The following NR6A1 variants were observed in gnomAD, a reference collection of about 807,000 sequenced individuals.
The protein encoded by NR6A1 is nuclear receptor subfamily 6 group A member 1, also known as retinoic acid receptor-related testis-associated receptor.
In NR6A1, 7 loss-of-function variants were observed where a neutral mutation model predicts 59.1. The observed-to-expected ratio is 0.12, with a 90% confidence interval of 0.07 to 0.22. The LOEUF is 0.22. Among genes scored for constraint, NR6A1 ranks in the 10% least tolerant of loss-of-function variants. NR6A1 has a pLI of 1.00. For missense variants in NR6A1, 468 were observed against 611.6 expected, an observed-to-expected ratio of 0.77 and a Z score of 2.48; for synonymous variants, 243 against 236.1, an observed-to-expected ratio of 1.03 and a Z score of -0.27.
intron 2 of NR6A1, among the ~76,000 whole-genome samples, chr9:124,688,822 A>G (rs529639161): frequency 1.3e-5 from 2 of 152,226 alleles, no homozygotes; most frequent in African/African-American, 4.8e-5. Context: ...GTTTATGTAC[A>G]TGTATTTAGG....
At chr9:124,585,131 A>G (rs1416039127) in intron 2 of NR6A1, among the ~76,000 whole-genome samples, 2 of 152,348 alleles carry the variant, frequency 1.3e-5, no homozygotes, top group Non-Finnish European at 2.9e-5. Flanking sequence ...GCAAGGCCCT[A>G]ACTCTCTTCA....
chr9:124,739,253 G>C (rs999177841), intron 1 of NR6A1, among the ~76,000 whole-genome samples: 22 of 151,714 alleles, frequency 1.5e-4, no homozygotes, highest in Non-Finnish European at 1.3e-4. Flanking sequence ...TCAAATCCCA[G>C]ATTTGCTATT....
At chr9:124,705,094 G>GT (rs1839085111) in intron 2 of NR6A1, among the ~76,000 whole-genome samples, 1 of 152,124 alleles carries the variant, frequency 6.6e-6, no homozygotes, top group Non-Finnish European at 1.5e-5. Flanking sequence ...TTATTTATAC[G>GT]TATGTTGTTT....
chr9:124,564,679 CTCTG>C (rs984401219), intron 2 of NR6A1, among the ~76,000 whole-genome samples: 43 of 68,646 alleles, frequency 6.3e-4, no homozygotes, highest in Non-Finnish European at 1.9e-4. Context: ...AAAATCCACA[CTCTG>C]TGTGTGTGTG....
At chr9:124,699,136 G>C (rs977385964) in intron 2 of NR6A1, among the ~76,000 whole-genome samples, 9 of 152,140 alleles carry the variant, frequency 5.9e-5, no homozygotes. Flanking sequence ...CTCCATCTCA[G>C]ATGTGAAAAA....
Position 124,664,378 on chromosome 9 carries a change from A to G in NR6A1, c.142+68930T>C, listed in dbSNP as rs568406380. On this transcript the variant is annotated intron_variant, in intron 2 of 9. Coordinates refer to ENST00000487099, the MANE Select transcript of NR6A1 (RefSeq NM_033334.4). ...TATGATGTCATATCTTAGCTCTGCC[A>G]CTGTTGAGCTAGATGACTTTTAACA... Among the ~76,000 whole-genome samples the G allele has an allele frequency of 3.9e-5, 6 of 152,314 alleles. No individual in the cohort carries two copies. The East Asian group carries it at 1.2e-3, about 29-fold the overall frequency.
chr9:124,703,291 C>T (rs187847015), intron 2 of NR6A1, among the ~76,000 whole-genome samples: 1 of 148,614 alleles, frequency 6.7e-6, no homozygotes, highest in Admixed American at 6.8e-5. Context: ...TAGCGTACTG[C>T]ATTCTCAAAC....
At chr9:124,748,499 G>T (rs1368534909) in intron 1 of NR6A1, among the ~76,000 whole-genome samples, 1 of 152,112 alleles carries the variant, frequency 6.6e-6, no homozygotes, top group Non-Finnish European at 1.5e-5. Context: ...ACATTTGTAG[G>T]ATTCCTGTGA....
Position 124,598,980 on chromosome 9 carries a change from T to C in NR6A1, c.143-44410A>G, listed in dbSNP as rs181769172. 3.9e-3 allele frequency: 2,837 copies of C among 727,054 alleles called. 18 individuals are homozygous for C. Among genetic ancestry groups the C allele is most frequent in the Non-Finnish European group, 4.5e-3 (1,750 of 387,624 alleles). The allele number at this position is 727,054 out of a possible 1,614,324, so 45.0% of individuals were successfully genotyped here. ...CCCACGTTGGGTTTCAGCTCCACCA[T>C]TGGCGTGTAGTGGTTGGCACAAATC... On this transcript the variant is annotated intron_variant, in intron 2 of 9. Transcript: ENST00000487099.
intron 1 of NR6A1, among the ~76,000 whole-genome samples, chr9:124,766,443 T>C (rs1006042472): frequency 1.4e-4 from 21 of 152,344 alleles, no homozygotes; most frequent in African/African-American, 4.8e-4. Flanking sequence ...TCAAGCACAT[T>C]TATTCTTTAT....
chr9:124,539,186 T>C (rs1232615352), intron 5 of NR6A1, among the ~76,000 whole-genome samples: 2 of 152,150 alleles, frequency 1.3e-5, no homozygotes, highest in Non-Finnish European at 2.9e-5. Context: ...AATACAGATG[T>C]GAGCCACCAT....
intron 2 of NR6A1, among the ~76,000 whole-genome samples, chr9:124,649,867 C>A (rs1385687630): frequency 6.6e-6 from 1 of 152,050 alleles, no homozygotes; most frequent in Admixed American, 6.6e-5. Context: ...CATCATTAAT[C>A]ATTGAAGGAA....
chr9:124,526,981 C>A, intron 7 of NR6A1, 81 bp from the exon 8 acceptor site: 1 of 1,541,472 alleles, frequency 6.5e-7, no homozygotes. Flanking sequence ...GCTCCTACAG[C>A]TCCTTAAACA....
At chr9:124,645,393 C>T (rs1836901329) in intron 2 of NR6A1, among the ~76,000 whole-genome samples, 1 of 152,086 alleles carries the variant, frequency 6.6e-6, no homozygotes, top group Admixed American at 6.5e-5. Flanking sequence ...ATGTTGTCTA[C>T]AAGAAACCTA....
At chr9:124,583,686 T>G (rs1233472074) in intron 2 of NR6A1, among the ~76,000 whole-genome samples, 7 of 152,202 alleles carry the variant, frequency 4.6e-5, no homozygotes. Flanking sequence ...TCGGTCAGGT[T>G]GTTTCACATT....
intron 2 of NR6A1, among the ~76,000 whole-genome samples, chr9:124,612,185 A>C (rs1178953348): frequency 6.6e-6 from 1 of 152,188 alleles, no homozygotes; most frequent in African/African-American, 2.4e-5. Flanking sequence ...TTTAAAGCAG[A>C]TGTCAAGTAA....
At chr9:124,678,093 C>G (rs930299139) in intron 2 of NR6A1, among the ~76,000 whole-genome samples, 5 of 152,144 alleles carry the variant, frequency 3.3e-5, no homozygotes, top group Non-Finnish European at 7.4e-5. Flanking sequence ...GAATATTTGG[C>G]TGAATATTTA....
At chr9:124,594,266 G>A (rs895543287) in intron 2 of NR6A1, among the ~76,000 whole-genome samples, 13 of 152,124 alleles carry the variant, frequency 8.5e-5, no homozygotes, top group African/African-American at 1.9e-4. Flanking sequence ...TTTTGGTACC[G>A]TAAGTTATTT....
At chr9:124,589,981 C>T (rs1191797041) in intron 2 of NR6A1, among the ~76,000 whole-genome samples, 1 of 136,614 alleles carries the variant, frequency 7.3e-6, no homozygotes, top group African/African-American at 2.7e-5. Flanking sequence ...AGGAGAATCG[C>T]TTGAGCCCAA....
Sources: gnomAD v4.1 joint callset for allele counts (sites outside exome capture counted in the v4.1 genomes callset) on GRCh38, gnomAD v4.1.1 for gene constraint, MANE v1.5 for transcripts, NCBI Gene and HGNC (gene_info 2026-07-23, HGNC 2026-07-21) for gene names.